RMND1: variants seen among roughly 807,000 people sequenced by gnomAD.
The protein encoded by RMND1 is required for meiotic nuclear division protein 1 homolog.
In RMND1, 41 loss-of-function variants were observed where a neutral mutation model predicts 54.0. The observed-to-expected ratio is 0.76, with a 90% CI of 0.59 to 0.98. The LOEUF (loss-of-function observed/expected upper bound fraction) is 0.98, where lower values mean the gene tolerates loss of function less well. RMND1 is among the 50% of genes least tolerant of loss of function. The pLI is 0.00. For synonymous variants in RMND1, 183 were observed against 181.7 expected, an observed-to-expected ratio of 1.01 and a Z score of -0.06; for missense variants, 457 against 532.0, an observed-to-expected ratio of 0.86 and a Z score of 1.39.
At chr6:151,451,510 A>G (rs867370049) in intron 1 of RMND1, among the ~76,000 whole-genome samples, 9 of 152,366 alleles carry the variant, frequency 5.9e-5, no homozygotes, top group Middle Eastern at 3.4e-3. Context: ...AGGAAAGGGC[A>G]GATTTTTGTG....
At chr6:151,405,297 G>A in intron 11 of RMND1, 30 bp from the exon 12 acceptor site, 1 of 1,602,710 alleles carries the variant, frequency 6.2e-7, no homozygotes, top group Non-Finnish European at 8.5e-7. Flanking sequence ...ATTATTTCAT[G>A]ACGGGCAAAT....
chr6:151,430,237 G>A (rs534020193), intron 4 of RMND1, 60 bp from the exon 5 acceptor site: 141 of 1,216,164 alleles, frequency 1.2e-4, no homozygotes, highest in Non-Finnish European at 1.5e-4. Context: ...CTTTAGGGTC[G>A]TATATAAAAC....
At chr6:151,415,910 C>T (rs1779991401) in intron 10 of RMND1, among the ~76,000 whole-genome samples, 1 of 151,774 alleles carries the variant, frequency 6.6e-6, no homozygotes, top group South Asian at 2.1e-4. Context: ...AGGGACAGTC[C>T]GGGTAGGGGG....
At chr6:151,407,166 G>C (rs1004216305) in intron 10 of RMND1, among the ~76,000 whole-genome samples, 1 of 148,920 alleles carries the variant, frequency 6.7e-6, no homozygotes, top group Non-Finnish European at 1.5e-5. Flanking sequence ...AAAAAAAACT[G>C]TCTTACTCAC....
chr6:151,407,704 A>G (rs754828127), intron 10 of RMND1, among the ~76,000 whole-genome samples: 1 of 152,016 alleles, frequency 6.6e-6, no homozygotes, highest in Non-Finnish European at 1.5e-5. Context: ...TCAGGAGATC[A>G]AGACCATCCT....
intron 4 of RMND1, among the ~76,000 whole-genome samples, chr6:151,431,589 G>A (rs1780449216): frequency 6.6e-6 from 1 of 152,020 alleles, no homozygotes; most frequent in South Asian, 2.1e-4. Flanking sequence ...CCAACCAGAG[G>A]AATGCACTGT....
At chr6:151,410,147 C>T (rs558015547) in intron 10 of RMND1, among the ~76,000 whole-genome samples, 14 of 152,046 alleles carry the variant, frequency 9.2e-5, no homozygotes, top group African/African-American at 2.7e-4. Context: ...CTCTCCCTCC[C>T]GGGTTCACGC....
intron 4 of RMND1, 146 bp from the exon 5 acceptor site, chr6:151,430,323 C>T: frequency 1.8e-6 from 1 of 544,700 alleles, no homozygotes. Context: ...TATTATGGTC[C>T]TTAGGTGAAC....
chr6:151,410,762 G>A (rs532090311), intron 10 of RMND1, among the ~76,000 whole-genome samples: 2 of 152,222 alleles, frequency 1.3e-5, no homozygotes, highest in African/African-American at 4.8e-5. Flanking sequence ...ATAAACAGAA[G>A]TTTTAAAATT....
At chr6:151,406,845 G>C (rs144113193) in intron 10 of RMND1, among the ~76,000 whole-genome samples, 6 of 152,046 alleles carry the variant, frequency 3.9e-5, no homozygotes, top group Non-Finnish European at 7.4e-5. Flanking sequence ...ACCATGTTAC[G>C]ATTTTTGCAC....
chr6:151,407,284 TC>T (rs1279048344), intron 10 of RMND1, among the ~76,000 whole-genome samples: 2 of 151,996 alleles, frequency 1.3e-5, no homozygotes, highest in African/African-American at 4.8e-5. Context: ...AGAGCATGCC[TC>T]TTCCCTCTTC....
In RMND1 at chr6:151,405,803, GTTCCATGCAGTGCTGAAGTT is replaced by G. The variant is rs1779598217; in HGVS notation, c.1214_1233del (p.Lys405ThrfsTer11). 3.7e-6 allele frequency: 6 copies of G among 1,610,872 alleles called. No individual in the cohort carries two copies. Among genetic ancestry groups the G allele is most frequent in the Non-Finnish European group, 5.1e-6 (6 of 1,177,392 alleles). On this transcript the variant is annotated frameshift_variant, in exon 11 of 12. Coordinates refer to ENST00000444024, the MANE Select transcript of RMND1 (RefSeq NM_017909.4). LOFTEE classifies it high-confidence loss of function. ...AGGTGATTCCGCATTAGATCTGTTA[GTTCCATGCAGTGCTGAAGTT>G]TTTCATTCATGACCTATGTAAGAAA...
intron 5 of RMND1, 150 bp from the exon 6 acceptor site, chr6:151,427,732 T>A (rs1053469498): frequency 1.1e-5 from 6 of 570,574 alleles, no homozygotes; most frequent in African/African-American, 9.4e-5. Context: ...AAATCCATTG[T>A]GATATTAAAG....
At chr6:151,424,446 G>A (rs1477846504) in intron 6 of RMND1, among the ~76,000 whole-genome samples, 37 of 148,192 alleles carry the variant, frequency 2.5e-4, no homozygotes, top group African/African-American at 9.0e-4. Flanking sequence ...CTGGGAGACT[G>A]AGCAAGACTC....
Position 151,436,510 on chromosome 6 carries a change from A to C in RMND1, c.549T>G (p.His183Gln), listed in dbSNP as rs1322826391. Reference protein sequence around the residue: ...CTAFATADEYHLGNLSQDLAS... With the variant: ...CTAFATADEYQLGNLSQDLAS... ...CCAGATCTTGAGACAGATTTCCCAG[A>C]TGATACTCATCTGCCGTTGCAAATG... Residue 183 changes from histidine to glutamine, a missense_variant, in exon 3 of 12, where the codon CAT becomes CAG. Physicochemically the swap from His to Gln is conservative, Grantham distance 24 (BLOSUM62 0). Coordinates refer to ENST00000444024, the MANE Select transcript of RMND1 (RefSeq NM_017909.4). 1 of 1,613,948 alleles carries C rather than the reference A, an allele frequency of 6.2e-7. No individual in the cohort carries two copies. Among genetic ancestry groups the C allele is most frequent in the Admixed American group, 1.7e-5 (1 of 60,010 alleles).
intron 10 of RMND1, among the ~76,000 whole-genome samples, chr6:151,410,300 C>CTGT (rs1779789544): frequency 6.6e-6 from 1 of 152,098 alleles, no homozygotes; most frequent in South Asian, 2.1e-4. Context: ...TGTGATCCGC[C>CTGT]CTCCTTGGCC....
chr6:151,432,242 T>A (rs2114952465), intron 4 of RMND1, among the ~76,000 whole-genome samples: 1 of 152,296 alleles, frequency 6.6e-6, no homozygotes. Flanking sequence ...CAGCCGAGGC[T>A]TGCACTGTAT....
intron 2 of RMND1, among the ~76,000 whole-genome samples, chr6:151,442,543 T>G (rs1780812420): frequency 6.6e-6 from 1 of 152,132 alleles, no homozygotes; most frequent in African/African-American, 2.4e-5. Flanking sequence ...TTCTTGTTTG[T>G]TTAGTGACAG....
At position 151,405,738 on chromosome 6, in the gene RMND1, G is replaced by A; in HGVS notation, c.1299C>T (p.Val433=). Residue 433 remains valine (V), a synonymous_variant, in exon 11 of 12, where the codon GTC becomes GTT. Coordinates refer to ENST00000444024, the MANE Select transcript of RMND1 (RefSeq NM_017909.4). ...ATCTTACCTCTATGGTAATGAGGAT[G>A]ACAATCATCCACTCCAAGCGGAGTG... ...KRALRLEWMI[V]ILITIEVMFE... 6.4e-7 allele frequency: 1 copy of A among 1,567,976 alleles called. No homozygotes were observed. Among genetic ancestry groups the A allele is most frequent in the Non-Finnish European group, 8.8e-7 (1 of 1,138,190 alleles).
Sources: gnomAD v4.1 joint callset for allele counts (sites outside exome capture counted in the v4.1 genomes callset) on GRCh38, gnomAD v4.1.1 for gene constraint, MANE v1.5 for transcripts, NCBI Gene and HGNC (gene_info 2026-07-23, HGNC 2026-07-21) for gene names.